The following CAST variants were observed in gnomAD, a reference collection of about 807,000 sequenced individuals.
CAST encodes calpastatin, also known as MIR583 host.
A neutral mutation model predicts 119.6 loss-of-function variants in CAST; 76 were observed. That is an observed-to-expected ratio of 0.64 (90% confidence interval 0.53 to 0.77). CAST has a LOEUF of 0.77. Among genes scored for constraint, CAST ranks in the 30% least tolerant of loss-of-function variants. The pLI, the probability that CAST is intolerant of heterozygous loss-of-function variation, is 0.00. For missense variants in CAST, 953 were observed against 946.5 expected (o/e 1.01, Z -0.09); for synonymous variants, 319 against 331.6 (o/e 0.96, Z 0.41).
intron 3 of CAST, among the ~76,000 whole-genome samples, chr5:96,697,061 G>T (rs1237700319): frequency 6.6e-6 from 1 of 151,288 alleles, no homozygotes; most frequent in Admixed American, 6.6e-5. Context: ...CCAGCTACTG[G>T]GGAGGCTGAG....
chr5:96,253,894 C>G, the CAST span, among the ~76,000 whole-genome samples: 1 of 151,266 alleles, frequency 6.6e-6, no homozygotes, highest in Non-Finnish European at 1.5e-5. Flanking sequence ...TGGTACATAC[C>G]TTATCAAAGT....
chr5:96,445,445 C>T, the CAST span, among the ~76,000 whole-genome samples: 1 of 152,200 alleles, frequency 6.6e-6, no homozygotes, highest in Admixed American at 6.5e-5. Flanking sequence ...CAGAAAAGAA[C>T]TGGACTCATT....
intron 1 of CAST, among the ~76,000 whole-genome samples, chr5:96,560,105 A>G (rs530309105): frequency 2.9e-4 from 44 of 152,322 alleles, no homozygotes; most frequent in African/African-American, 9.1e-4. Context: ...AGAAATAGGG[A>G]AAGGATTCCC....
chr5:96,280,308 C>T, the CAST span, among the ~76,000 whole-genome samples: 1 of 152,100 alleles, frequency 6.6e-6, no homozygotes, highest in African/African-American at 2.4e-5. Flanking sequence ...CTCCTTGGTT[C>T]CAATATTGCA....
chr5:96,123,597 T>G, the CAST span, among the ~76,000 whole-genome samples: 1 of 152,186 alleles, frequency 6.6e-6, no homozygotes, highest in Admixed American at 6.5e-5. Flanking sequence ...TACTTGAGGA[T>G]TGTTTGCTTG....
At chr5:95,999,944 T>C in the CAST span, among the ~76,000 whole-genome samples, 1 of 152,204 alleles carries the variant, frequency 6.6e-6, no homozygotes, top group African/African-American at 2.4e-5. Flanking sequence ...TTATAACCAT[T>C]TCAGTGGATT....
At chr5:96,338,272 G>T in the CAST span, among the ~76,000 whole-genome samples, 42 of 152,288 alleles carry the variant, frequency 2.8e-4, no homozygotes, top group African/African-American at 9.4e-4. Flanking sequence ...AAATATTCTT[G>T]AGAGTTTCAA....
the CAST span, among the ~76,000 whole-genome samples, chr5:96,373,181 C>G: frequency 1.3e-5 from 2 of 152,146 alleles, no homozygotes; most frequent in African/African-American, 4.8e-5. Flanking sequence ...CTTTTTTATT[C>G]TGCTCCACAA....
chr5:96,226,572 G>A, the CAST span, among the ~76,000 whole-genome samples: 3 of 152,184 alleles, frequency 2.0e-5, no homozygotes, highest in Non-Finnish European at 2.9e-5. Flanking sequence ...TGGGAGGATC[G>A]GTCAAGCCTG....
chr5:96,208,998 G>T, the CAST span, among the ~76,000 whole-genome samples: 1 of 151,964 alleles, frequency 6.6e-6, no homozygotes, highest in East Asian at 1.9e-4. Context: ...TATGAATCTG[G>T]GTGCTCCTGT....
the CAST span, among the ~76,000 whole-genome samples, chr5:96,393,786 T>C: frequency 8.5e-4 from 130 of 152,316 alleles, no homozygotes; most frequent in African/African-American, 2.9e-3. Flanking sequence ...CTGGTTGCGG[T>C]AGCATGGGTG....
At chr5:96,670,685 A>G (rs1050705519) in intron 1 of CAST, among the ~76,000 whole-genome samples, 16 of 152,162 alleles carry the variant, frequency 1.1e-4, no homozygotes, top group Non-Finnish European at 8.8e-5. Flanking sequence ...TTTAGTAGAG[A>G]CAGGGTTTTA....
the CAST span, among the ~76,000 whole-genome samples, chr5:95,978,181 G>A: frequency 6.6e-6 from 1 of 152,142 alleles, no homozygotes; most frequent in Admixed American, 6.5e-5. Flanking sequence ...GGATTGCTGG[G>A]TTGACCGGTA....
chr5:96,201,765 A>G, the CAST span, among the ~76,000 whole-genome samples: 1 of 151,976 alleles, frequency 6.6e-6, no homozygotes, highest in East Asian at 1.9e-4. Context: ...TGTGTTGAAT[A>G]TTACCCCTAA....
At chr5:96,056,991 G>A in the CAST span, among the ~76,000 whole-genome samples, 1 of 152,138 alleles carries the variant, frequency 6.6e-6, no homozygotes, top group East Asian at 1.9e-4. Context: ...GCAGCCCCCA[G>A]AACCAGAACA....
At chr5:96,432,902 C>G in the CAST span, 2 of 1,614,020 alleles carry the variant, frequency 1.2e-6, no homozygotes, top group Non-Finnish European at 1.7e-6. Flanking sequence ...CGGCGATGGC[C>G]GAGGCTGCTT....
upstream of CAST, chr5:96,662,322 T>TA: frequency 5.6e-5 from 32 of 567,006 alleles, no homozygotes; most frequent in Non-Finnish European, 5.8e-5. Context: ...GGCCCTCCGC[T>TA]CCCTCCCTCC....
chr5:96,063,102 C>G, the CAST span, among the ~76,000 whole-genome samples: 1 of 152,134 alleles, frequency 6.6e-6, no homozygotes, highest in Non-Finnish European at 1.5e-5. Context: ...AAGTACAGCC[C>G]AACCATTGTG....
chr5:96,106,861 T>C, the CAST span, among the ~76,000 whole-genome samples: 1 of 135,862 alleles, frequency 7.4e-6, no homozygotes, highest in African/African-American at 2.8e-5. Flanking sequence ...GGAGTCTAAG[T>C]CTCTTTGTAG....
Sources: gnomAD v4.1 joint callset for allele counts (sites outside exome capture counted in the v4.1 genomes callset) on GRCh38, gnomAD v4.1.1 for gene constraint, MANE v1.5 for transcripts, NCBI Gene and HGNC (gene_info 2026-07-23, HGNC 2026-07-21) for gene names.